Variants in IZUMO1 observed in about 807,000 individuals in gnomAD.
IZUMO1 encodes izumo sperm-oocyte fusion 1.
In IZUMO1, 44 loss-of-function variants were observed where a neutral mutation model predicts 40.7. The ratio of observed to expected loss-of-function variants is 1.08; its 90% confidence interval spans 0.85 to 1.39. The LOEUF is 1.39. Among genes scored for constraint, IZUMO1 ranks in the 40% most tolerant of loss-of-function variants. IZUMO1 has a pLI of 0.00. For missense variants in IZUMO1, 368 were observed against 436.9 expected, an observed-to-expected ratio of 0.84 and a Z score of 1.41; for synonymous variants, 149 against 170.9, an observed-to-expected ratio of 0.87 and a Z score of 1.00.
chr19:48,745,179 G>A (rs1373721915), intron 3 of IZUMO1, 35 bp downstream of exon 3: 8 of 1,567,068 alleles, frequency 5.1e-6, no homozygotes, highest in Non-Finnish European at 7.0e-6. Flanking sequence ...GCTTCTCTGA[G>A]AGATTCGGGA....
In IZUMO1 at chr19:48,742,328, C is replaced by T. The variant is rs773982522; in HGVS notation, c.500-19G>A. ...TTCCGCTCTGGGGGTGGGGGATGAC[C>T]ATGGGACACTCATGATTCTGTTTTT... On this transcript the variant is annotated intron_variant, in intron 6 of 9. Transcript: ENST00000332955. 5 of 1,531,394 alleles carry T rather than the reference C, an allele frequency of 3.3e-6. No individual in the cohort carries two copies. The highest frequency in any genetic ancestry group is 3.6e-6 in the Non-Finnish European group (4 of 1,104,968). The allele number at this position is 1,531,394 out of a possible 1,614,324, so 94.9% of individuals were successfully genotyped here.
In IZUMO1 at chr19:48,740,864, C is replaced by T. The variant is rs747750457; in HGVS notation, c.*44G>A. Reference sequence around the variant, plus strand: ...GGGAACCAAAGGCTAGAATCAGTCCCGTCCCGGGGAGTGAGTCAGATGCTT... The same window carrying T: ...GGGAACCAAAGGCTAGAATCAGTCCTGTCCCGGGGAGTGAGTCAGATGCTT... On this transcript the variant is annotated 3_prime_UTR_variant, in exon 10 of 10. Transcript: ENST00000332955. The surrounding 1 kb of genome is among the most constrained non-coding windows in gnomAD (Gnocchi z 5.5). 1.2e-6 allele frequency: 2 copies of T among 1,612,902 alleles called. No homozygotes were observed. The highest frequency in any genetic ancestry group is 3.3e-5 in the Admixed American group (2 of 59,940).
intron 4 of IZUMO1, 73 bp from the exon 5 acceptor site, chr19:48,744,268 A>G: frequency 6.7e-7 from 1 of 1,485,498 alleles, no homozygotes; most frequent in East Asian, 2.3e-5. Context: ...AGACGATGGA[A>G]GAGGGGGTTG....
At position 48,745,689 on chromosome 19, in the gene IZUMO1, T is replaced by C. The variant is rs765483882; in HGVS notation, c.171A>G (p.Val57=). The C allele has an allele frequency of 1.2e-6, 2 of 1,614,086 alleles. No homozygotes were observed. Among genetic ancestry groups the C allele is most frequent in the African/African-American group, 2.7e-5 (2 of 74,938 alleles). The change falls in exon 2 of 10, where the codon GTA becomes GTG. Residue 57 remains valine, a synonymous_variant. Transcript: ENST00000332955. ...AKHHKAMMER[V]ENAVKDFQEL... ...CCTGGAAATCCTTCACGGCATTCTC[T>C]ACCCTTTCCATCATGGCTTTGTGAT...
Position 48,741,437 on chromosome 19 carries a change from T to C in IZUMO1, c.796A>G (p.Ile266Val). The change falls in exon 9 of 10, where the codon ATC becomes GTC. Residue 266 changes from isoleucine to valine, a missense_variant. Physicochemically the swap from Ile to Val is conservative, Grantham distance 29. Coordinates refer to ENST00000332955, the MANE Select transcript of IZUMO1 (RefSeq NM_182575.3). The surrounding 1 kb of genome is among the most constrained non-coding windows in gnomAD (Gnocchi z 4.4). ...GTGGTCGCCTCCCCCGGGGTTACGA[T>C]ATTTGGAGAAGGTTTTTCCTCCTTG... ...MIKEEKPSPN[I>V]VTPGEATTES... The C allele has an allele frequency of 2.5e-6, 4 of 1,612,864 alleles. No individual in the cohort carries two copies. Among genetic ancestry groups the C allele is most frequent in the Non-Finnish European group, 3.4e-6 (4 of 1,179,154 alleles).
intron 6 of IZUMO1, 114 bp downstream of exon 6, chr19:48,743,331 C>T: frequency 1.0e-6 from 1 of 962,066 alleles, no homozygotes; most frequent in South Asian, 1.5e-5. Context: ...GGCCTAAACC[C>T]TACCTTTTCT....
chr19:48,741,751 C>A lies in IZUMO1; in HGVS notation c.754+38G>T. 1 of 1,523,132 alleles carries A rather than the reference C, an allele frequency of 6.6e-7. No individual in the cohort carries two copies. The highest frequency in any genetic ancestry group is 8.8e-7 in the Non-Finnish European group (1 of 1,131,794). 94.4% of individuals were successfully genotyped at this position (1,523,132 alleles called of 1,614,324 possible). On this transcript the variant is annotated intron_variant, in intron 8 of 9. Transcript: ENST00000332955. This position sits in a 1 kb window ranked among gnomAD's most constrained non-coding sequence, Gnocchi z 4.4. ...GCCGCGGACCCCAGCTTTCCTGGGCCCTGAATCCTACACTTCTCTCAGCCC... is the reference window on the plus strand; with the variant it reads ...GCCGCGGACCCCAGCTTTCCTGGGCACTGAATCCTACACTTCTCTCAGCCC...
At chr19:48,743,265 A>G (rs978561003) in intron 6 of IZUMO1, 180 bp downstream of exon 6, 2 of 603,638 alleles carry the variant, frequency 3.3e-6, no homozygotes, top group East Asian at 2.8e-5. Flanking sequence ...TGGCTTCCCA[A>G]TCCTCCCGTC....
rs1207966752 is a variant in IZUMO1 at position 48,745,215 on chromosome 19, T to G, written c.309A>C (p.Lys103Asn). The G allele has an allele frequency of 1.2e-6, 2 of 1,612,146 alleles. No individual in the cohort carries two copies. Among genetic ancestry groups the G allele is most frequent in the African/African-American group, 1.3e-5 (1 of 74,886 alleles). ...DLKRITDSDV[K>N]GDLFVKELFW... The stretch of plus-strand genomic sequence containing the variant: ...CTCCCACCCCCTTGATGCATTTACC[T>G]TTTACATCACTGTCTGTGATGCGTT... Residue 103 changes from lysine to asparagine, a missense_variant and splice_region_variant, in exon 3 of 10, where the codon AAA becomes AAC. Lys to Asn is a moderately conservative substitution (Grantham distance 94). Transcript: ENST00000332955.
chr19:48,744,342 G>A (rs962022198), intron 4 of IZUMO1, 111 bp downstream of exon 4: 1 of 1,193,408 alleles, frequency 8.4e-7, no homozygotes, highest in Non-Finnish European at 1.2e-6. Flanking sequence ...TGAAGGAGGA[G>A]GCAGTTGGGG....
chr19:48,743,777 G>A, intron 5 of IZUMO1: 1 of 536,212 alleles, frequency 1.9e-6, no homozygotes, highest in East Asian at 3.3e-5. Flanking sequence ...CGGATCACAA[G>A]GTCAGGAGTT....
chr19:48,741,750 C>A lies in IZUMO1; in HGVS notation c.754+39G>T. Reference sequence around the variant, plus strand: ...CGCCGCGGACCCCAGCTTTCCTGGGCCCTGAATCCTACACTTCTCTCAGCC... The same window carrying A: ...CGCCGCGGACCCCAGCTTTCCTGGGACCTGAATCCTACACTTCTCTCAGCC... On this transcript the variant is annotated intron_variant, in intron 8 of 9. Transcript: ENST00000332955. The surrounding 1 kb of genome is among the most constrained non-coding windows in gnomAD (Gnocchi z 4.4). The A allele has an allele frequency of 6.6e-7, 1 of 1,522,416 alleles. No homozygotes were observed. The highest frequency in any genetic ancestry group is 8.8e-7 in the Non-Finnish European group (1 of 1,131,504). The allele number at this position is 1,522,416 out of a possible 1,614,324, so 94.3% of individuals were successfully genotyped here. A position where few individuals can be genotyped will look rare whatever the true frequency, so the allele number is the denominator to read the frequency against.
intron 2 of IZUMO1, 69 bp from the exon 3 acceptor site, chr19:48,745,357 A>G (rs1478180811): frequency 1.4e-6 from 2 of 1,413,926 alleles, no homozygotes; most frequent in Non-Finnish European, 2.0e-6. Context: ...CTTAGAAACT[A>G]CAATACCCAT....
chr19:48,745,923 CAGG>C lies in IZUMO1; in HGVS notation c.-67_-65del. ...GGGTGCTCTCACCCCAAACCGAGAGCAGGAGAACGCTAAACGGAGAAAAGCCAA... is the reference window on the plus strand; with the variant it reads ...GGGTGCTCTCACCCCAAACCGAGAGCAGAACGCTAAACGGAGAAAAGCCAA... On this transcript the variant is annotated 5_prime_UTR_variant, in exon 2 of 10. Coordinates refer to ENST00000332955, the MANE Select transcript of IZUMO1 (RefSeq NM_182575.3). The C allele has an allele frequency of 6.2e-7, 1 of 1,600,600 alleles. No individual in the cohort carries two copies.
At chr19:48,744,657 T>C in intron 3 of IZUMO1, 118 bp from the exon 4 acceptor site, 2 of 709,640 alleles carry the variant, frequency 2.8e-6, no homozygotes, top group South Asian at 1.6e-5. Context: ...CAACTGACCG[T>C]CTAACATAAT....
In IZUMO1 at chr19:48,741,735, C is replaced by A; in HGVS notation, c.754+54G>T. 6.6e-7 allele frequency: 1 copy of A among 1,508,294 alleles called. No individual in the cohort carries two copies. Among genetic ancestry groups the A allele is most frequent in the South Asian group, 1.3e-5 (1 of 74,656 alleles). 93.4% of individuals were successfully genotyped at this position (1,508,294 alleles called of 1,614,324 possible). A position where few individuals can be genotyped will look rare whatever the true frequency, so the allele number is the denominator to read the frequency against. ...CCAAGGCCACGCCCCCGCCGCGGAC[C>A]CCAGCTTTCCTGGGCCCTGAATCCT... On this transcript the variant is annotated intron_variant, in intron 8 of 9. Coordinates refer to ENST00000332955, the MANE Select transcript of IZUMO1 (RefSeq NM_182575.3). The surrounding 1 kb of genome is among the most constrained non-coding windows in gnomAD (Gnocchi z 4.4).
At chr19:48,743,625 C>A in intron 5 of IZUMO1, 100 bp from the exon 6 acceptor site, 3 of 899,376 alleles carry the variant, frequency 3.3e-6, no homozygotes, top group East Asian at 2.5e-5. Flanking sequence ...TATGACATTC[C>A]TAGATGGTCA....
Position 48,741,740 on chromosome 19 carries a change from C to T in IZUMO1, c.754+49G>A. On this transcript the variant is annotated intron_variant, in intron 8 of 9. Transcript: ENST00000332955. This position sits in a 1 kb window ranked among gnomAD's most constrained non-coding sequence, Gnocchi z 4.4. The stretch of plus-strand genomic sequence containing the variant: ...GCCACGCCCCCGCCGCGGACCCCAG[C>T]TTTCCTGGGCCCTGAATCCTACACT... 6.6e-7 allele frequency: 1 copy of T among 1,510,990 alleles called. No homozygotes were observed. The allele number at this position is 1,510,990 out of a possible 1,614,324, so 93.6% of individuals were successfully genotyped here. A position where few individuals can be genotyped will look rare whatever the true frequency, so the allele number is the denominator to read the frequency against.
At position 48,741,638 on chromosome 19, in the gene IZUMO1, G is replaced by C; in HGVS notation, c.754+151C>G. 7.9e-7 allele frequency: 1 copy of C among 1,260,544 alleles called. No individual in the cohort carries two copies. The highest frequency in any genetic ancestry group is 1.5e-5 in the African/African-American group (1 of 66,658). The allele number at this position is 1,260,544 out of a possible 1,614,324, so 78.1% of individuals were successfully genotyped here. A position where few individuals can be genotyped will look rare whatever the true frequency, so the allele number is the denominator to read the frequency against. On this transcript the variant is annotated intron_variant, in intron 8 of 9. Transcript: ENST00000332955. The surrounding 1 kb of genome is among the most constrained non-coding windows in gnomAD (Gnocchi z 4.4). Reference sequence around the variant, plus strand: ...GGGAACCCCTGTCCTCGGGGCCAGAGGCCACGCCCCCGGCAGGAAGCCACA... The same window carrying C: ...GGGAACCCCTGTCCTCGGGGCCAGACGCCACGCCCCCGGCAGGAAGCCACA...
Sources: allele counts gnomAD v4.1 joint callset, GRCh38; gene constraint gnomAD v4.1.1; non-coding constraint Gnocchi (gnomAD v3.1); transcripts MANE v1.5; gene names NCBI Gene and HGNC (gene_info 2026-07-23, HGNC 2026-07-21).